The following ZFAT variants were observed in gnomAD, a reference collection of about 807,000 sequenced individuals.
ZFAT encodes zinc finger protein ZFAT.
ZFAT carries 64 observed loss-of-function variants against 117.7 expected under a neutral mutation model. That is an observed-to-expected ratio of 0.54 (90% CI 0.44 to 0.67). ZFAT has a LOEUF of 0.67. Ranked by LOEUF, ZFAT falls within the 30% of genes least tolerant of loss-of-function variation. The pLI is 0.00. For missense variants in ZFAT, 1,433 were observed against 1,584.5 expected (o/e 0.90, Z 1.62); for synonymous variants, 679 against 615.0 (o/e 1.10, Z -1.54).
chr8:134,620,628 ATAAG>A (rs1460582800), intron 3 of ZFAT, among the ~76,000 whole-genome samples: 1 of 152,232 alleles, frequency 6.6e-6, no homozygotes, highest in Non-Finnish European at 1.5e-5. Flanking sequence ...CCTTCTGGTA[ATAAG>A]CACGGCTGCT....
chr8:134,817,377 C>G, the ZFAT span, among the ~76,000 whole-genome samples: 1 of 117,712 alleles, frequency 8.5e-6, no homozygotes, highest in Non-Finnish European at 1.8e-5. Flanking sequence ...AAATCAATCT[C>G]TCTGTCTCTC....
chr8:134,589,260 A>G (rs916660503), intron 8 of ZFAT, among the ~76,000 whole-genome samples: 8 of 152,360 alleles, frequency 5.3e-5, no homozygotes, highest in Admixed American at 3.9e-4. Flanking sequence ...TTAACATGAG[A>G]AGGACAGAGC....
chr8:134,568,203 G>A (rs1771178744), intron 10 of ZFAT, among the ~76,000 whole-genome samples: 1 of 152,130 alleles, frequency 6.6e-6, no homozygotes, highest in Non-Finnish European at 1.5e-5. Context: ...ATTATTCCAG[G>A]TGAATGAACC....
the ZFAT span, among the ~76,000 whole-genome samples, chr8:134,732,556 G>GA: frequency 1.3e-5 from 2 of 152,228 alleles, no homozygotes; most frequent in East Asian, 3.8e-4. Flanking sequence ...GCTGTAGAAA[G>GA]AAAGAGAAAG....
At chr8:134,827,967 T>C in the ZFAT span, among the ~76,000 whole-genome samples, 1 of 152,168 alleles carries the variant, frequency 6.6e-6, no homozygotes, top group Non-Finnish European at 1.5e-5. Context: ...TTTCTAATCA[T>C]TACCACTAGC....
At chr8:134,678,313 G>A (rs1462787738) in intron 1 of ZFAT, among the ~76,000 whole-genome samples, 1 of 151,804 alleles carries the variant, frequency 6.6e-6, no homozygotes, top group African/African-American at 2.4e-5. Flanking sequence ...CAAACAGAGA[G>A]CCAAATCATG....
chr8:134,620,227 C>T (rs1462965178), intron 3 of ZFAT, among the ~76,000 whole-genome samples: 7 of 152,242 alleles, frequency 4.6e-5, no homozygotes, highest in Non-Finnish European at 8.8e-5. Flanking sequence ...TCTCTCTGAG[C>T]AGGGGCTTGG....
intron 7 of ZFAT, 46 bp from the exon 8 acceptor site, chr8:134,590,401 T>G (rs1286926674): frequency 6.6e-7 from 1 of 1,514,406 alleles, no homozygotes; most frequent in African/African-American, 1.4e-5. Flanking sequence ...CATTTAAATC[T>G]GTGGTCTGTA....
At chr8:134,671,569 A>G (rs1451321897) in intron 1 of ZFAT, among the ~76,000 whole-genome samples, 1 of 152,092 alleles carries the variant, frequency 6.6e-6, no homozygotes, top group East Asian at 1.9e-4. Context: ...CATGTTAAAA[A>G]CTCTCAATAA....
chr8:134,827,154 C>T, the ZFAT span, among the ~76,000 whole-genome samples: 7 of 152,136 alleles, frequency 4.6e-5, no homozygotes, highest in African/African-American at 1.7e-4. Context: ...TGGGCTCAAG[C>T]GATCCTCCCA....
the ZFAT span, among the ~76,000 whole-genome samples, chr8:134,774,585 T>C: frequency 6.6e-6 from 1 of 152,194 alleles, no homozygotes; most frequent in Non-Finnish European, 1.5e-5. Flanking sequence ...ATGTACACTT[T>C]TTAGGTATAA....
intron 1 of ZFAT, among the ~76,000 whole-genome samples, chr8:134,688,647 GC>G (rs1833452154): frequency 6.6e-6 from 1 of 152,176 alleles, no homozygotes; most frequent in Non-Finnish European, 1.5e-5. Flanking sequence ...CTGGGAGGGA[GC>G]AGGGAATTGT....
chr8:134,625,465 C>T (rs1229501203), intron 3 of ZFAT, among the ~76,000 whole-genome samples: 3 of 152,232 alleles, frequency 2.0e-5, no homozygotes, highest in Admixed American at 6.5e-5. Flanking sequence ...CCTCCTCCTT[C>T]AAGAAGCCTT....
intron 15 of ZFAT, among the ~76,000 whole-genome samples, chr8:134,492,910 A>T (rs988561643): frequency 3.9e-5 from 6 of 152,234 alleles, no homozygotes; most frequent in Non-Finnish European, 4.4e-5. Context: ...AGGCAGGAAG[A>T]AGCCATTCCA....
chr8:134,790,508 A>C, the ZFAT span, among the ~76,000 whole-genome samples: 2 of 152,152 alleles, frequency 1.3e-5, no homozygotes, highest in Non-Finnish European at 2.9e-5. Context: ...TGAGAGAAGG[A>C]AGCTACCTGT....
chr8:134,596,024 C>T (rs1826898708), intron 7 of ZFAT, among the ~76,000 whole-genome samples: 1 of 152,218 alleles, frequency 6.6e-6, no homozygotes, highest in African/African-American at 2.4e-5. Flanking sequence ...AATTATAATA[C>T]CTGCTTCCAT....
At chr8:134,831,034 C>A in the ZFAT span, among the ~76,000 whole-genome samples, 10 of 152,328 alleles carry the variant, frequency 6.6e-5, 1 homozygote, top group African/African-American at 2.4e-4. Flanking sequence ...TGGTGGGTGG[C>A]ACCGGGTCAA....
intron 11 of ZFAT, among the ~76,000 whole-genome samples, chr8:134,549,685 T>C (rs1822990719): frequency 6.6e-6 from 1 of 151,612 alleles, no homozygotes; most frequent in Non-Finnish European, 1.5e-5. Context: ...TACATGGTGG[T>C]TCTCGTAAGG....
intron 12 of ZFAT, among the ~76,000 whole-genome samples, chr8:134,527,246 T>C (rs1377089626): frequency 2.0e-5 from 3 of 152,196 alleles, no homozygotes; most frequent in Non-Finnish European, 4.4e-5. Context: ...AGAAGGAATA[T>C]TTGTTAGCAC....
Sources: allele counts gnomAD v4.1 joint callset (sites outside exome capture counted in the v4.1 genomes callset), GRCh38; gene constraint gnomAD v4.1.1; transcripts MANE v1.5; gene names NCBI Gene and HGNC (gene_info 2026-07-23, HGNC 2026-07-21).